Variants in RTCA observed in about 807,000 individuals in gnomAD.
The protein encoded by RTCA is RNA terminal phosphate cyclase domain 1.
Under a neutral mutation model 46.1 loss-of-function variants are expected in RTCA, and 37 were observed. The ratio of observed to expected loss-of-function variants is 0.80; its 90% confidence interval spans 0.62 to 1.06. The LOEUF (loss-of-function observed/expected upper bound fraction) is 1.06, where lower values mean the gene tolerates loss of function less well. Among genes scored for constraint, RTCA ranks in the 50% least tolerant of loss-of-function variants. The pLI is 0.00. For missense variants in RTCA, 435 were observed against 455.5 expected, an observed-to-expected ratio of 0.95 and a Z score of 0.41; for synonymous variants, 164 against 158.3, an observed-to-expected ratio of 1.04 and a Z score of -0.27.
At chr1:100,288,995 G>A (rs938056143) in intron 10 of RTCA, among the ~76,000 whole-genome samples, 51 of 151,882 alleles carry the variant, frequency 3.4e-4, no homozygotes, top group African/African-American at 1.1e-3. Flanking sequence ...GCTAATTTTT[G>A]TACTTTTTAG....
chr1:100,282,637 G>A (rs981962764), intron 8 of RTCA, among the ~76,000 whole-genome samples: 6 of 152,278 alleles, frequency 3.9e-5, no homozygotes, highest in South Asian at 2.1e-4. Context: ...TACAGGTTGA[G>A]CATTCCTAAT....
chr1:100,271,413 G>A (rs1281523696), intron 4 of RTCA, among the ~76,000 whole-genome samples: 2 of 152,122 alleles, frequency 1.3e-5, no homozygotes, highest in Non-Finnish European at 2.9e-5. Context: ...GGTTGAGTTT[G>A]CAGTGAGCTA....
At chr1:100,290,495 G>A (rs1165976901) in intron 10 of RTCA, among the ~76,000 whole-genome samples, 2 of 152,144 alleles carry the variant, frequency 1.3e-5, no homozygotes, top group Non-Finnish European at 2.9e-5. Context: ...TATAGGCCAG[G>A]CACAATGACT....
intron 8 of RTCA, among the ~76,000 whole-genome samples, chr1:100,278,545 G>C (rs1226889480): frequency 1.3e-5 from 2 of 152,154 alleles, no homozygotes; most frequent in Non-Finnish European, 2.9e-5. Flanking sequence ...TGAGGTGGGA[G>C]GATTACTGAG....
At chr1:100,286,532 T>G (rs1489755956) in intron 9 of RTCA, among the ~76,000 whole-genome samples, 1 of 151,774 alleles carries the variant, frequency 6.6e-6, no homozygotes, top group Admixed American at 6.6e-5. Context: ...ATACTGAATA[T>G]TTCCAAATAT....
chr1:100,291,320 C>T (rs1667341044), intron 10 of RTCA, 83 bp from the exon 11 acceptor site: 2 of 802,522 alleles, frequency 2.5e-6, no homozygotes, highest in Admixed American at 4.9e-5. Flanking sequence ...TTGACATTAA[C>T]TCTCTGCCTA....
At chr1:100,287,933 A>G (rs984450514) in intron 10 of RTCA, among the ~76,000 whole-genome samples, 1 of 151,872 alleles carries the variant, frequency 6.6e-6, no homozygotes, top group Non-Finnish European at 1.5e-5. Flanking sequence ...AGCTAGGATT[A>G]CAGGCACATG....
At position 100,266,561 on chromosome 1, in the gene RTCA, G is replaced by A; in HGVS notation, c.83G>A (p.Cys28Tyr). 1 of 1,614,010 alleles carries A rather than the reference G, an allele frequency of 6.2e-7. No homozygotes were observed. The highest frequency in any genetic ancestry group is 1.3e-5 in the African/African-American group (1 of 75,066). Residue 28 changes from cysteine to tyrosine, a missense_variant, in exon 2 of 11, where the codon TGT (cysteine) becomes TAT (tyrosine). Cys to Tyr is a radical substitution (Grantham distance 194). Transcript: ENST00000370128. Reference sequence around the variant, plus strand: ...CTGAGAGTCTCTACGGCCTTGAGCTGTCTCCTAGGCCTCCCCTTGCGGGTG... The same window carrying A: ...CTGAGAGTCTCTACGGCCTTGAGCTATCTCCTAGGCCTCCCCTTGCGGGTG... ...QILRVSTALS[C>Y]LLGLPLRVQK...
At chr1:100,266,728 C>T (rs1385447051) in intron 2 of RTCA, 104 bp downstream of exon 2, 64 of 976,028 alleles carry the variant, frequency 6.6e-5, no homozygotes, top group Non-Finnish European at 8.7e-5. Context: ...CCCAGAAGGT[C>T]CCAGACGCAG....
At chr1:100,279,540 C>G (rs1666574821) in intron 8 of RTCA, among the ~76,000 whole-genome samples, 1 of 152,118 alleles carries the variant, frequency 6.6e-6, no homozygotes, top group Non-Finnish European at 1.5e-5. Flanking sequence ...ACTCGGGAGG[C>G]TGAAGCAGGA....
intron 8 of RTCA, among the ~76,000 whole-genome samples, chr1:100,278,954 C>G (rs963926323): frequency 9.9e-5 from 15 of 152,058 alleles, no homozygotes; most frequent in Non-Finnish European, 1.8e-4. Flanking sequence ...AACAAACTTT[C>G]CAGGTACTTT....
At chr1:100,286,231 T>G (rs1455131212) in intron 9 of RTCA, among the ~76,000 whole-genome samples, 1 of 151,874 alleles carries the variant, frequency 6.6e-6, no homozygotes, top group Non-Finnish European at 1.5e-5. Context: ...GGTGGGCGGA[T>G]CACGAGGTCA....
At chr1:100,290,559 C>T (rs1667288251) in intron 10 of RTCA, among the ~76,000 whole-genome samples, 1 of 152,138 alleles carries the variant, frequency 6.6e-6, no homozygotes, top group South Asian at 2.1e-4. Flanking sequence ...TCACTTCAGC[C>T]TAGGAGTTTG....
intron 10 of RTCA, 137 bp downstream of exon 10, chr1:100,287,340 T>G (rs889837433): frequency 1.9e-6 from 1 of 531,998 alleles, no homozygotes; most frequent in Non-Finnish European, 3.2e-6. Flanking sequence ...TGAGCTAATT[T>G]AGCAATTTAT....
chr1:100,285,098 ATTG>A (rs1300977249), intron 8 of RTCA, 127 bp from the exon 9 acceptor site: 81 of 643,130 alleles, frequency 1.3e-4, no homozygotes, highest in Non-Finnish European at 2.1e-4. Context: ...TAAAAGGTGC[ATTG>A]AGTGGGTTTT....
At chr1:100,284,790 G>A (rs760404718) in intron 8 of RTCA, among the ~76,000 whole-genome samples, 12 of 152,118 alleles carry the variant, frequency 7.9e-5, no homozygotes, top group Non-Finnish European at 1.5e-4. Context: ...GGTAGATGGC[G>A]TCTAGCTATG....
chr1:100,283,184 A>C (rs1174300272), intron 8 of RTCA, among the ~76,000 whole-genome samples: 1 of 63,020 alleles, frequency 1.6e-5, no homozygotes, highest in African/African-American at 8.4e-5. Context: ...TTTTTTTTTT[A>C]ATTTTGAGAC....
chr1:100,272,149 G>T (rs1428032028), intron 4 of RTCA, among the ~76,000 whole-genome samples: 1 of 152,180 alleles, frequency 6.6e-6, no homozygotes, highest in Non-Finnish European at 1.5e-5. Flanking sequence ...AAGTTTTTGT[G>T]TGATTGTACA....
At position 100,273,384 on chromosome 1, in the gene RTCA, A is replaced by AT. The variant is rs754869680; in HGVS notation, c.415-4dup. On this transcript the variant is annotated splice_polypyrimidine_tract_variant and intron_variant, in intron 4 of 10. Coordinates refer to ENST00000370128, the MANE Select transcript of RTCA (RefSeq NM_003729.4). ...CTGATTAACCTAATGATAAAAACTG[A>AT]TTTTTTCAGGTCTTCAAGCCAATTG... 6.4e-7 allele frequency: 1 copy of AT among 1,554,940 alleles called. No individual in the cohort carries two copies. Among genetic ancestry groups the AT allele is most frequent in the East Asian group, 2.3e-5 (1 of 44,122 alleles).
Sources: gnomAD v4.1 joint callset for allele counts (sites outside exome capture counted in the v4.1 genomes callset) on GRCh38, gnomAD v4.1.1 for gene constraint, MANE v1.5 for transcripts, NCBI Gene and HGNC (gene_info 2026-07-23, HGNC 2026-07-21) for gene names.